The following PHACTR1 variants were observed in gnomAD, a reference collection of about 807,000 sequenced individuals.
PHACTR1 encodes the protein phosphatase and actin regulator 1.
Under a neutral mutation model 69.2 loss-of-function variants are expected in PHACTR1, and 16 were observed. The observed-to-expected ratio is 0.23, with a 90% CI of 0.16 to 0.35. The LOEUF (loss-of-function observed/expected upper bound fraction) is 0.35. Ranked by LOEUF, PHACTR1 falls within the 10% of genes least tolerant of loss-of-function variation. The probability of loss-of-function intolerance (pLI) is 1.00; values close to 1 mark genes in which losing one functional copy is unlikely to be tolerated. For missense variants in PHACTR1, 510 were observed against 734.7 expected, an observed-to-expected ratio of 0.69 and a Z score of 3.54; for synonymous variants, 312 against 284.5, an observed-to-expected ratio of 1.10 and a Z score of -0.97.
intron 5 of PHACTR1, among the ~76,000 whole-genome samples, chr6:13,159,941 G>C (rs917125851): frequency 6.8e-6 from 1 of 147,200 alleles, no homozygotes; most frequent in African/African-American, 2.5e-5. Context: ...CTCTGTCTCA[G>C]AAAAAAAAAA....
intron 4 of PHACTR1, among the ~76,000 whole-genome samples, chr6:12,918,721 G>A (rs1787294320): frequency 6.6e-6 from 1 of 152,112 alleles, no homozygotes; most frequent in Admixed American, 6.5e-5. Flanking sequence ...TAAAACCATT[G>A]CGACACATTA....
At chr6:12,930,416 G>A (rs1788741177) in intron 4 of PHACTR1, among the ~76,000 whole-genome samples, 1 of 152,198 alleles carries the variant, frequency 6.6e-6, no homozygotes, top group Admixed American at 6.5e-5. Flanking sequence ...CCTAAGAGCT[G>A]AGGCTAGGTC....
At position 12,878,215 on chromosome 6, in the gene PHACTR1, G is replaced by A. The variant is rs574873943; in HGVS notation, c.250+128425G>A. ...AACCTTACAGGGGCTCTTAGCTGAT[G>A]TTTTGCCATGAGTACAAGGACCCAT... On this transcript the variant is annotated intron_variant, in intron 4 of 14. Coordinates refer to ENST00000332995, the MANE Select transcript of PHACTR1 (RefSeq NM_030948.6). Among the ~76,000 whole-genome samples the A allele has an allele frequency of 1.3e-3, 191 of 152,302 alleles. 1 individual carries two copies. The highest frequency in any genetic ancestry group is 4.4e-3 in the African/African-American group (182 of 41,574).
intron 10 of PHACTR1, among the ~76,000 whole-genome samples, chr6:13,270,394 C>T (rs547329009): frequency 5.3e-5 from 8 of 152,176 alleles, no homozygotes; most frequent in African/African-American, 1.7e-4. Context: ...TCCAGCCCCC[C>T]ACCCTCCTGC....
intron 4 of PHACTR1, among the ~76,000 whole-genome samples, chr6:13,008,437 C>T (rs147007339): frequency 5.1e-4 from 78 of 152,282 alleles, no homozygotes; most frequent in African/African-American, 1.8e-3. Flanking sequence ...CCCTAAATTT[C>T]CTAAGGAATT....
chr6:12,753,809 A>G (rs895662324), intron 4 of PHACTR1, among the ~76,000 whole-genome samples: 5 of 152,056 alleles, frequency 3.3e-5, no homozygotes, highest in Non-Finnish European at 7.4e-5. Flanking sequence ...AAGAAGTTAT[A>G]AACTAGGTCC....
In PHACTR1 at chr6:12,887,173, G is replaced by T. The variant is rs1334725880; in HGVS notation, c.250+137383G>T. Among the ~76,000 whole-genome samples, 3 of 152,268 alleles carry T rather than the reference G, an allele frequency of 2.0e-5. No individual in the cohort carries two copies. In the South Asian group the frequency reaches 6.2e-4, roughly 32 times the overall value. On this transcript the variant is annotated intron_variant, in intron 4 of 14. Coordinates refer to ENST00000332995, the MANE Select transcript of PHACTR1 (RefSeq NM_030948.6). ...TTCAGCCAGTCCCTCCCAAGTTTGGGAGAATCAAGGCCCCTTCCTGTGCTC... is the reference window on the plus strand; with the variant it reads ...TTCAGCCAGTCCCTCCCAAGTTTGGTAGAATCAAGGCCCCTTCCTGTGCTC...
rs1476178555 is a variant in PHACTR1, at chr6:13,230,113, G to A, written c.1311G>A (p.Leu437=). The change falls in exon 10 of 15, where the codon CTG becomes CTA. Residue 437 remains leucine, a synonymous_variant. Transcript: ENST00000332995. Reference sequence around the variant, plus strand: ...GCAACAGGCCCTCCAAGCGAGAGCTGGAAGAAAAGAACATCCTTCCCAGGC... The same window carrying A: ...GCAACAGGCCCTCCAAGCGAGAGCTAGAAGAAAAGAACATCCTTCCCAGGC... ...KLSNRPSKRE[L]EEKNILPRQT... 1.2e-5 allele frequency: 19 copies of A among 1,611,392 alleles called. No homozygotes were observed. The highest frequency in any genetic ancestry group is 1.4e-5 in the Non-Finnish European group (17 of 1,178,928).
intron 3 of PHACTR1, among the ~76,000 whole-genome samples, chr6:12,726,698 A>G (rs145908823): frequency 6.6e-6 from 1 of 152,254 alleles, no homozygotes; most frequent in African/African-American, 2.4e-5. Context: ...CATATGGCTC[A>G]TATCTGGACC....
rs376094354 is a variant in PHACTR1 at position 12,949,901 on chromosome 6, G to A, written c.251-103464G>A. The stretch of plus-strand genomic sequence containing the variant: ...TGAAAATGGAGTTTCTCATCCCCAC[G>A]GCTGATAGAATGACTAAGAGGCCAA... On this transcript the variant is annotated intron_variant, in intron 4 of 14. Transcript: ENST00000332995. 7.2e-5 allele frequency among the ~76,000 whole-genome samples: 11 copies of A among 152,240 alleles called. No individual in the cohort carries two copies. In the South Asian group the frequency reaches 8.3e-4, roughly 11 times the overall value.
intron 4 of PHACTR1, among the ~76,000 whole-genome samples, chr6:12,809,096 C>T (rs1176132445): frequency 6.6e-6 from 1 of 152,028 alleles, no homozygotes. Context: ...CCATGTTGCC[C>T]AGGCTGGTCT....
At chr6:12,992,948 G>A (rs1038337059) in intron 4 of PHACTR1, among the ~76,000 whole-genome samples, 1 of 152,162 alleles carries the variant, frequency 6.6e-6, no homozygotes, top group African/African-American at 2.4e-5. Context: ...TTATGCAAAT[G>A]GGTTCTTTAC....
At chr6:13,026,836 C>T (rs1278558172) in intron 4 of PHACTR1, among the ~76,000 whole-genome samples, 1 of 152,030 alleles carries the variant, frequency 6.6e-6, no homozygotes, top group African/African-American at 2.4e-5. Flanking sequence ...GAGTAATGGC[C>T]AGCTCTAAAG....
intron 4 of PHACTR1, among the ~76,000 whole-genome samples, chr6:12,810,632 T>G (rs947096795): frequency 2.0e-5 from 3 of 152,172 alleles, no homozygotes; most frequent in African/African-American, 4.8e-5. Context: ...CAAAGGCTCA[T>G]GTTCCGGCAT....
At chr6:12,929,110 C>G (rs777471285) in intron 4 of PHACTR1, among the ~76,000 whole-genome samples, 4 of 152,188 alleles carry the variant, frequency 2.6e-5, no homozygotes, top group Admixed American at 6.5e-5. Flanking sequence ...TCCCCCTCAC[C>G]TGGGATGGCT....
At chr6:13,147,652 A>G (rs1251873905) in intron 5 of PHACTR1, among the ~76,000 whole-genome samples, 1 of 152,166 alleles carries the variant, frequency 6.6e-6, no homozygotes, top group Non-Finnish European at 1.5e-5. Flanking sequence ...TTGCCTTATA[A>G]CCACCCTTTC....
chr6:13,025,899 A>C (rs547939203), intron 4 of PHACTR1, among the ~76,000 whole-genome samples: 1 of 152,278 alleles, frequency 6.6e-6, no homozygotes, highest in African/African-American at 2.4e-5. Context: ...AAAAAAAGCA[A>C]CTGCTCAGAA....
chr6:13,232,928 T>G (rs1771450263), intron 10 of PHACTR1, among the ~76,000 whole-genome samples: 1 of 152,166 alleles, frequency 6.6e-6, no homozygotes, highest in Admixed American at 6.5e-5. Flanking sequence ...GCCCCAGGTA[T>G]GTGAGGGGCA....
Position 12,907,247 on chromosome 6 carries a change from T to C in PHACTR1, c.251-146118T>C, listed in dbSNP as rs529966016. ...AACTCTTAGAAGCTCATATTACTAG[T>C]GCATCAGAAAAATAATTATAGTTTA... On this transcript the variant is annotated intron_variant, in intron 4 of 14. Transcript: ENST00000332995. Among the ~76,000 whole-genome samples, 3 of 152,344 alleles carry C rather than the reference T, an allele frequency of 2.0e-5. No individual in the cohort carries two copies. In the South Asian group the frequency reaches 6.2e-4, roughly 32 times the overall value.
Sources: gnomAD v4.1 joint callset for allele counts (sites outside exome capture counted in the v4.1 genomes callset) on GRCh38, gnomAD v4.1.1 for gene constraint, MANE v1.5 for transcripts, NCBI Gene and HGNC (gene_info 2026-07-23, HGNC 2026-07-21) for gene names.